Variants in ERICH6B observed in about 807,000 individuals in gnomAD.
ERICH6B encodes the protein glutamate-rich protein 6B.
In ERICH6B, 69 loss-of-function variants were observed where a neutral mutation model predicts 80.0. That is an observed-to-expected ratio of 0.86 (90% CI 0.71 to 1.05). ERICH6B has a LOEUF of 1.05. Among genes scored for constraint, ERICH6B ranks in the 50% least tolerant of loss-of-function variants. The probability of loss-of-function intolerance (pLI) is 0.00; values close to 1 mark genes in which losing one functional copy is unlikely to be tolerated. For missense variants in ERICH6B, 754 were observed against 796.1 expected (o/e 0.95, Z 0.64); for synonymous variants, 283 against 291.9 (o/e 0.97, Z 0.31).
chr13:45,542,075 C>T (rs150541210), intron 14 of ERICH6B, among the ~76,000 whole-genome samples: 5 of 152,284 alleles, frequency 3.3e-5, no homozygotes, highest in South Asian at 4.1e-4. Flanking sequence ...CCGTGAGCCC[C>T]GCCTCCACCT....
At chr13:45,589,469 T>C (rs977316277) in intron 4 of ERICH6B, among the ~76,000 whole-genome samples, 3 of 152,018 alleles carry the variant, frequency 2.0e-5, no homozygotes, top group African/African-American at 7.2e-5. Context: ...TTACTGAGAG[T>C]GTGCTGTATG....
At chr13:45,560,407 A>AC (rs895206692) in intron 11 of ERICH6B, among the ~76,000 whole-genome samples, 5 of 151,290 alleles carry the variant, frequency 3.3e-5, no homozygotes, top group Non-Finnish European at 5.9e-5. Flanking sequence ...AACCATCAAC[A>AC]CCCCCCCACC....
chr13:45,574,730 A>AAACCCAGGTCCTCAG, intron 8 of ERICH6B, 112 bp downstream of exon 8: 2 of 778,068 alleles, frequency 2.6e-6, no homozygotes, highest in Non-Finnish European at 4.2e-6. Flanking sequence ...AGCAAAAAGA[A>AAACCCAGGTCCTCAG]AACCCAGGTC....
Position 45,550,262 on chromosome 13 carries a change from T to A in ERICH6B, c.1462A>T (p.Ile488Phe). The change falls in exon 12 of 15, where the codon ATT (isoleucine) becomes TTT (phenylalanine). Residue 488 changes from isoleucine (I) to phenylalanine (F), a missense_variant. Transcript: ENST00000298738. ...ILYPNKNVYQILFPDGTGQIH... is the reference protein window; with the variant it reads ...ILYPNKNVYQFLFPDGTGQIH... ...TGGCCTGTCCCATCAGGAAAGAGAA[T>A]TTGATAGACATTCTTGTTGGGGTAG... 1.3e-6 allele frequency: 2 copies of A among 1,551,636 alleles called. No individual in the cohort carries two copies. The highest frequency in any genetic ancestry group is 2.4e-5 in the East Asian group (1 of 40,916).
chr13:45,550,994 A>G (rs766619484), intron 11 of ERICH6B, among the ~76,000 whole-genome samples: 1 of 152,204 alleles, frequency 6.6e-6, no homozygotes, highest in Non-Finnish European at 1.5e-5. Flanking sequence ...AATTCAACCC[A>G]TAACATTGGT....
intron 8 of ERICH6B, among the ~76,000 whole-genome samples, chr13:45,569,236 A>G (rs1875050888): frequency 6.6e-6 from 1 of 152,060 alleles, no homozygotes; most frequent in South Asian, 2.1e-4. Context: ...AGTGATTCTC[A>G]TGCCTCAGCC....
chr13:45,574,384 A>G (rs1397804292), intron 8 of ERICH6B, among the ~76,000 whole-genome samples: 1 of 152,210 alleles, frequency 6.6e-6, no homozygotes, highest in African/African-American at 2.4e-5. Context: ...CATCCAGTGG[A>G]TGTAAGGCTT....
At chr13:45,600,327 T>G (rs962746507) in intron 2 of ERICH6B, among the ~76,000 whole-genome samples, 19 of 152,176 alleles carry the variant, frequency 1.2e-4, no homozygotes, top group African/African-American at 4.6e-4. Flanking sequence ...GATTCATCTG[T>G]GCACTTCCTT....
Position 45,541,367 on chromosome 13 carries a change from A to C in ERICH6B, c.*95T>G. 9.0e-7 allele frequency: 1 copy of C among 1,110,480 alleles called. No individual in the cohort carries two copies. The highest frequency in any genetic ancestry group is 1.6e-5 in the South Asian group (1 of 63,930). 68.8% of individuals were successfully genotyped at this position (1,110,480 alleles called of 1,614,324 possible). A position where few individuals can be genotyped will look rare whatever the true frequency, so the allele number is the denominator to read the frequency against. ...GGTCCCAAATTACAAACCAACTCTC[A>C]TAAAAGGTCAACAGGTCTTTGGGTT... On this transcript the variant is annotated 3_prime_UTR_variant, in exon 15 of 15. Transcript: ENST00000298738.
chr13:45,588,854 A>G (rs1294398017), intron 4 of ERICH6B, among the ~76,000 whole-genome samples: 3 of 152,102 alleles, frequency 2.0e-5, no homozygotes, highest in Admixed American at 6.5e-5. Flanking sequence ...TTATGTTGCA[A>G]TGGAGAGGAC....
At chr13:45,582,550 C>T (rs1277406582) in intron 5 of ERICH6B, among the ~76,000 whole-genome samples, 1 of 152,206 alleles carries the variant, frequency 6.6e-6, no homozygotes, top group Non-Finnish European at 1.5e-5. Context: ...ATGTTATCCT[C>T]AGCATTCAAC....
chr13:45,593,310 T>C (rs1876231298), intron 3 of ERICH6B, among the ~76,000 whole-genome samples: 1 of 152,098 alleles, frequency 6.6e-6, no homozygotes, highest in African/African-American at 2.4e-5. Context: ...CCTGTTTCAT[T>C]GTGTCTCATC....
chr13:45,606,541 A>AG (rs1949866109), intron 2 of ERICH6B, among the ~76,000 whole-genome samples: 1 of 11,542 alleles, frequency 8.7e-5, no homozygotes, highest in African/African-American at 2.2e-4. Flanking sequence ...ATATATATAT[A>AG]TATATATTTT....
intron 11 of ERICH6B, among the ~76,000 whole-genome samples, chr13:45,556,552 C>A (rs3014914): frequency 0.33 from 50,291 of 151,998 alleles, 9,030 homozygotes; most frequent in East Asian, 0.56. Flanking sequence ...TCACCCCCTT[C>A]CTACCCTTTC....
intron 3 of ERICH6B, among the ~76,000 whole-genome samples, chr13:45,592,962 A>C (rs1876215837): frequency 6.6e-6 from 1 of 152,224 alleles, no homozygotes; most frequent in South Asian, 2.1e-4. Context: ...GGTAAGTGAC[A>C]TGCCCAAGGT....
chr13:45,553,111 TC>T, intron 11 of ERICH6B: 2 of 362,526 alleles, frequency 5.5e-6, no homozygotes, highest in South Asian at 2.2e-5. Flanking sequence ...TTTTATCTGA[TC>T]AGATTCTGGT....
chr13:45,590,714 TA>T lies in ERICH6B; in HGVS notation c.638-18del. ...CCTTGGGTTCTATTGGAAAAAAGAA[TA>T]AAAAAGCAATATTGGCAAAAAAGCA... On this transcript the variant is annotated intron_variant, in intron 3 of 14. Transcript: ENST00000298738. The T allele has an allele frequency of 6.5e-7, 1 of 1,549,014 alleles. No individual in the cohort carries two copies. The highest frequency in any genetic ancestry group is 8.7e-7 in the Non-Finnish European group (1 of 1,145,826).
intron 2 of ERICH6B, among the ~76,000 whole-genome samples, chr13:45,605,954 G>A (rs941972756): frequency 6.6e-6 from 1 of 152,176 alleles, no homozygotes; most frequent in East Asian, 1.9e-4. Context: ...CTGGTCTGAG[G>A]CCATAGCTAT....
intron 13 of ERICH6B, 119 bp from the exon 14 acceptor site, chr13:45,545,104 T>C (rs957458072): frequency 2.5e-4 from 212 of 844,686 alleles, no homozygotes; most frequent in Middle Eastern, 7.2e-4. Flanking sequence ...AGGGACTTGA[T>C]GGGTAGGAGA....
Sources: allele counts gnomAD v4.1 joint callset (sites outside exome capture counted in the v4.1 genomes callset), GRCh38; gene constraint gnomAD v4.1.1; transcripts MANE v1.5; gene names NCBI Gene and HGNC (gene_info 2026-07-23, HGNC 2026-07-21).